PTPRD: variants seen among roughly 807,000 people sequenced by gnomAD.
PTPRD encodes protein tyrosine phosphatase receptor type D.
A neutral mutation model predicts 214.5 loss-of-function variants in PTPRD; 34 were observed. The observed-to-expected ratio is 0.16, with a 90% CI of 0.12 to 0.21. The LOEUF (loss-of-function observed/expected upper bound fraction) is 0.21. PTPRD is among the 10% of genes least tolerant of loss of function. PTPRD has a pLI of 1.00. For synonymous variants in PTPRD, 1,128 were observed against 845.7 expected, an observed-to-expected ratio of 1.33 and a Z score of -5.79; for missense variants, 2,545 against 2,398.7, an observed-to-expected ratio of 1.06 and a Z score of -1.27.
intron 7 of PTPRD, among the ~76,000 whole-genome samples, chr9:9,666,444 C>T (rs12380152): frequency 0.14 from 21,393 of 151,930 alleles, 2,048 homozygotes; most frequent in African/African-American, 0.27. Flanking sequence ...TCTAAGATCT[C>T]ACCTCTCTCT....
intron 11 of PTPRD, among the ~76,000 whole-genome samples, chr9:8,962,515 A>G (rs961021501): frequency 6.8e-6 from 1 of 147,912 alleles, no homozygotes; most frequent in African/African-American, 2.4e-5. Context: ...GGGAATAAAA[A>G]AGGAGAAAAG....
chr9:9,517,914 T>G (rs1446173539), intron 8 of PTPRD, among the ~76,000 whole-genome samples: 2 of 151,492 alleles, frequency 1.3e-5, no homozygotes, highest in African/African-American at 4.8e-5. Flanking sequence ...TGTAATAATC[T>G]TAACCTGTGT....
chr9:10,585,497 A>G (rs575478512), intron 2 of PTPRD, among the ~76,000 whole-genome samples: 122 of 152,232 alleles, frequency 8.0e-4, no homozygotes, highest in Non-Finnish European at 8.2e-4. Flanking sequence ...TAGAAAATGA[A>G]TATTTCAAAC....
At chr9:9,779,500 T>C (rs1281559001) in intron 5 of PTPRD, among the ~76,000 whole-genome samples, 1 of 151,904 alleles carries the variant, frequency 6.6e-6, no homozygotes, top group East Asian at 1.9e-4. Context: ...CTTAAACAAA[T>C]GCAACAAGCA....
At chr9:8,811,149 CAT>C (rs1450751033) in intron 11 of PTPRD, among the ~76,000 whole-genome samples, 5 of 152,164 alleles carry the variant, frequency 3.3e-5, no homozygotes, top group Non-Finnish European at 2.9e-5. Flanking sequence ...AAACTGTAAA[CAT>C]AGTGCAGGTC....
intron 11 of PTPRD, among the ~76,000 whole-genome samples, chr9:8,982,411 T>A (rs1351954177): frequency 1.3e-5 from 2 of 151,962 alleles, no homozygotes; most frequent in African/African-American, 4.8e-5. Flanking sequence ...CCAACAAGAA[T>A]AACTTTTTAT....
chr9:9,282,307 G>T (rs1807018303), intron 9 of PTPRD, among the ~76,000 whole-genome samples: 1 of 151,160 alleles, frequency 6.6e-6, no homozygotes, highest in Admixed American at 6.6e-5. Flanking sequence ...TAATGGGGCA[G>T]GATATGTAGG....
At chr9:10,548,139 A>G (rs1336705821) in intron 2 of PTPRD, among the ~76,000 whole-genome samples, 3 of 152,168 alleles carry the variant, frequency 2.0e-5, no homozygotes, top group South Asian at 4.1e-4. Flanking sequence ...CAAAATTTAA[A>G]TTAGAATACT....
At chr9:9,368,626 A>G (rs966868274) in intron 9 of PTPRD, among the ~76,000 whole-genome samples, 3 of 151,882 alleles carry the variant, frequency 2.0e-5, no homozygotes, top group Non-Finnish European at 4.4e-5. Context: ...CTTAGGGGGA[A>G]CTCTTGAAAT....
chr9:9,177,134 T>C (rs1402584896), intron 10 of PTPRD, among the ~76,000 whole-genome samples: 1 of 152,076 alleles, frequency 6.6e-6, no homozygotes, highest in Non-Finnish European at 1.5e-5. Flanking sequence ...CTTACAATCA[T>C]GGTGGAAGGT....
chr9:9,371,906 C>T (rs551693150), intron 9 of PTPRD, among the ~76,000 whole-genome samples: 1 of 152,190 alleles, frequency 6.6e-6, no homozygotes, highest in Non-Finnish European at 1.5e-5. Flanking sequence ...GTTCAGTTTC[C>T]ATGTAGTTGA....
rs573373716 is a variant in PTPRD, at chr9:8,434,053, G to C, written c.4086+2539C>G. ...CTGGAGTGCAATGGTGCGACCCTTG[G>C]CTCACTGCAACCTCTGCCTCCCAGG... On this transcript the variant is annotated intron_variant, in intron 35 of 45. Transcript: ENST00000381196. 7.6e-3 allele frequency among the ~76,000 whole-genome samples: 1,153 copies of C among 152,206 alleles called. 16 individuals carry two copies. Among genetic ancestry groups the C allele is most frequent in the African/African-American group, 0.026 (1,089 of 41,530 alleles).
intron 11 of PTPRD, among the ~76,000 whole-genome samples, chr9:8,743,657 T>C (rs558951211): frequency 2.0e-5 from 3 of 152,168 alleles, no homozygotes; most frequent in African/African-American, 7.2e-5. Flanking sequence ...TTCTAGAAGA[T>C]AACATCAGAA....
chr9:10,174,798 A>C (rs903293597), intron 3 of PTPRD, among the ~76,000 whole-genome samples: 2 of 152,138 alleles, frequency 1.3e-5, no homozygotes, highest in African/African-American at 4.8e-5. Flanking sequence ...CTAATAATAA[A>C]AAAGTAACCC....
rs539131557 is a variant in PTPRD, at chr9:9,479,069, G to A, written c.-236-81587C>T. 2.6e-5 allele frequency among the ~76,000 whole-genome samples: 4 copies of A among 151,818 alleles called. No homozygotes were observed. The South Asian group carries it at 8.3e-4, about 32-fold the overall frequency. ...GTTCATAAAGTCTGTTTTTCCTTAT[G>A]TTTTTTTTCTTTCATAATGTGTACT... On this transcript the variant is annotated intron_variant, in intron 8 of 45. Transcript: ENST00000381196.
intron 2 of PTPRD, among the ~76,000 whole-genome samples, chr9:10,583,931 G>A (rs1054310683): frequency 2.6e-5 from 4 of 152,142 alleles, no homozygotes; most frequent in Admixed American, 1.3e-4. Flanking sequence ...TTTAGGTAAT[G>A]TCTACCTTTC....
At chr9:10,254,164 G>C (rs2093039083) in intron 3 of PTPRD, among the ~76,000 whole-genome samples, 1 of 152,016 alleles carries the variant, frequency 6.6e-6, no homozygotes, top group African/African-American at 2.4e-5. Context: ...TTAAATTTTT[G>C]TTTATTTACC....
intron 3 of PTPRD, among the ~76,000 whole-genome samples, chr9:10,224,895 G>A (rs1041701763): frequency 6.6e-6 from 1 of 151,998 alleles, no homozygotes; most frequent in African/African-American, 2.4e-5. Context: ...TTTCTCTGGT[G>A]TAACTTATTG....
intron 34 of PTPRD, among the ~76,000 whole-genome samples, chr9:8,438,412 T>C (rs1176142297): frequency 3.9e-5 from 6 of 152,174 alleles, no homozygotes; most frequent in Non-Finnish European, 5.9e-5. Context: ...AAGTAGAAAC[T>C]CTTTGTTGGT....
Sources: allele counts gnomAD v4.1 joint callset (sites outside exome capture counted in the v4.1 genomes callset), GRCh38; gene constraint gnomAD v4.1.1; transcripts MANE v1.5; gene names NCBI Gene and HGNC (gene_info 2026-07-23, HGNC 2026-07-21).